Variants in CAMTA1 observed in about 807,000 individuals in gnomAD.
CAMTA1 encodes the protein calmodulin binding transcription activator 1.
A neutral mutation model predicts 170.9 loss-of-function variants in CAMTA1; 27 were observed. That is an observed-to-expected ratio of 0.16 (90% CI 0.12 to 0.22). The LOEUF is 0.22. Ranked by LOEUF, CAMTA1 falls within the 10% of genes least tolerant of loss-of-function variation. The probability of loss-of-function intolerance (pLI) is 1.00; values close to 1 mark genes in which losing one functional copy is unlikely to be tolerated. For missense variants in CAMTA1, 1,619 were observed against 2,217.2 expected (o/e 0.73, Z 5.42); for synonymous variants, 833 against 891.5 (o/e 0.93, Z 1.17).
intron 4 of CAMTA1, among the ~76,000 whole-genome samples, chr1:7,142,436 A>G (rs1052045461): frequency 1.3e-5 from 2 of 152,166 alleles, no homozygotes; most frequent in Non-Finnish European, 2.9e-5. Context: ...TGGGCAGGTG[A>G]TGTCCCCTCT....
At chr1:7,282,197 G>A (rs1280932952) in intron 5 of CAMTA1, among the ~76,000 whole-genome samples, 1 of 152,094 alleles carries the variant, frequency 6.6e-6, no homozygotes, top group Non-Finnish European at 1.5e-5. Context: ...AACTCCAAAT[G>A]GCAATTGTCG....
chr1:7,696,614 A>G (rs1188062525), intron 11 of CAMTA1, among the ~76,000 whole-genome samples: 1 of 151,702 alleles, frequency 6.6e-6, no homozygotes, highest in Non-Finnish European at 1.5e-5. Context: ...TACCACTGTG[A>G]CTCTACTGGG....
intron 4 of CAMTA1, among the ~76,000 whole-genome samples, chr1:7,182,367 C>A (rs563265822): frequency 6.6e-6 from 1 of 151,982 alleles, no homozygotes; most frequent in Non-Finnish European, 1.5e-5. Context: ...ATGGCAAAAC[C>A]CTGTCTCTAC....
At chr1:7,091,996 AG>A (rs1641529121) in intron 4 of CAMTA1, among the ~76,000 whole-genome samples, 1 of 152,172 alleles carries the variant, frequency 6.6e-6, no homozygotes, top group African/African-American at 2.4e-5. Flanking sequence ...GTTGGGACTT[AG>A]GGTTGATTTT....
chr1:6,806,989 G>C, intron 1 of CAMTA1: 1 of 616,870 alleles, frequency 1.6e-6, no homozygotes, highest in Non-Finnish European at 3.0e-6. Context: ...CCAGGCACAA[G>C]GAAGGACAGA....
intron 6 of CAMTA1, among the ~76,000 whole-genome samples, chr1:7,610,674 C>A (rs1253841800): frequency 6.6e-6 from 1 of 152,214 alleles, no homozygotes; most frequent in African/African-American, 2.4e-5. Flanking sequence ...AGTGGAGCCA[C>A]AAGACCAGAA....
At chr1:7,132,343 TAGCTCACTGCAGCCTTGAACTCCTG>T (rs1170910132) in intron 4 of CAMTA1, among the ~76,000 whole-genome samples, 3 of 152,082 alleles carry the variant, frequency 2.0e-5, no homozygotes, top group Non-Finnish European at 4.4e-5. Context: ...TGTGTGATCA[TAGCTCACTGCAGCCTTGAACTCCTG>T]GGCTCAAACG....
rs904498930 is a variant in CAMTA1, at chr1:7,113,514, T to A, written c.302+22143T>A. On this transcript the variant is annotated intron_variant, in intron 4 of 22. Coordinates refer to ENST00000303635, the MANE Select transcript of CAMTA1 (RefSeq NM_015215.4). The surrounding 1 kb of genome is among the most constrained non-coding windows in gnomAD (Gnocchi z 4.5). ...AGGAATGGAGAGGGAGGAAGGAGGG[T>A]CTCGGGCAAGACCTCCCCCAACAGG... 5.3e-5 allele frequency among the ~76,000 whole-genome samples: 8 copies of A among 151,902 alleles called. No individual in the cohort carries two copies. Among genetic ancestry groups the A allele is most frequent in the African/African-American group, 1.9e-4 (8 of 41,360 alleles).
intron 5 of CAMTA1, among the ~76,000 whole-genome samples, chr1:7,444,643 G>A (rs566950507): frequency 6.6e-6 from 1 of 152,356 alleles, no homozygotes; most frequent in Admixed American, 6.5e-5. Flanking sequence ...GGTCATGGGG[G>A]CACCGAGCAA....
chr1:7,426,516 C>A lies in CAMTA1; in HGVS notation c.439-41314C>A, dbSNP rs1179179677. 6.6e-6 allele frequency among the ~76,000 whole-genome samples: 1 copy of A among 152,206 alleles called. No individual in the cohort carries two copies. Among genetic ancestry groups the A allele is most frequent in the Non-Finnish European group, 1.5e-5 (1 of 68,034 alleles). On this transcript the variant is annotated intron_variant, in intron 5 of 22. Transcript: ENST00000303635. The surrounding 1 kb of genome is among the most constrained non-coding windows in gnomAD (Gnocchi z 4.8). ...GTTAGATCAAGCGGAGGGCCCTGGC[C>A]AGGGCTGAGCAAGGCCTGATTTACA...
At chr1:7,225,684 G>A (rs115501279) in intron 4 of CAMTA1, among the ~76,000 whole-genome samples, 1 of 152,208 alleles carries the variant, frequency 6.6e-6, no homozygotes, top group Non-Finnish European at 1.5e-5. Context: ...GATTTCGGGG[G>A]TTCACTTCTC....
At chr1:7,401,474 C>T (rs1181103602) in intron 5 of CAMTA1, among the ~76,000 whole-genome samples, 1 of 152,064 alleles carries the variant, frequency 6.6e-6, no homozygotes, top group African/African-American at 2.4e-5. Flanking sequence ...GGAAATTCTG[C>T]TTCCTTTGCA....
chr1:7,723,677 T>C (rs2096663938), intron 11 of CAMTA1, among the ~76,000 whole-genome samples: 1 of 152,136 alleles, frequency 6.6e-6, no homozygotes, highest in African/African-American at 2.4e-5. Flanking sequence ...ATACCTCTGA[T>C]TGTATGTGAT....
At chr1:6,958,623 TG>T (rs1689870956) in intron 3 of CAMTA1, among the ~76,000 whole-genome samples, 1 of 152,196 alleles carries the variant, frequency 6.6e-6, no homozygotes, top group Admixed American at 6.5e-5. Flanking sequence ...GAAATTTGAA[TG>T]TGACGCAATA....
chr1:7,150,556 G>A (rs764605844), intron 4 of CAMTA1, among the ~76,000 whole-genome samples: 13 of 152,030 alleles, frequency 8.6e-5, no homozygotes, highest in Non-Finnish European at 1.8e-4. Context: ...CAGCATCCCT[G>A]GTTTCCACCC....
intron 5 of CAMTA1, among the ~76,000 whole-genome samples, chr1:7,318,091 G>T (rs571134299): frequency 3.9e-5 from 6 of 152,224 alleles, no homozygotes; most frequent in Admixed American, 1.3e-4. Flanking sequence ...CAAGGCTGAC[G>T]TCAGGGCCCA....
At chr1:7,621,668 G>A (rs554950715) in intron 6 of CAMTA1, among the ~76,000 whole-genome samples, 76 of 152,302 alleles carry the variant, frequency 5.0e-4, no homozygotes, top group Non-Finnish European at 7.4e-5. Context: ...AAATCGCAAG[G>A]AAAGTTATAA....
chr1:7,682,732 G>A lies in CAMTA1; in HGVS notation c.2914+4999G>A, dbSNP rs1311468435. Among the ~76,000 whole-genome samples, 1 of 152,212 alleles carries A rather than the reference G, an allele frequency of 6.6e-6. No homozygotes were observed. The highest frequency in any genetic ancestry group is 2.4e-5 in the African/African-American group (1 of 41,466). ...GCCTCTGGGTGCTTCTTCCTCCAATGGCAACACTCCAGGGCTTTCTGCTGA... is the reference window on the plus strand; with the variant it reads ...GCCTCTGGGTGCTTCTTCCTCCAATAGCAACACTCCAGGGCTTTCTGCTGA... On this transcript the variant is annotated intron_variant, in intron 11 of 22. Coordinates refer to ENST00000303635, the MANE Select transcript of CAMTA1 (RefSeq NM_015215.4). This position sits in a 1 kb window ranked among gnomAD's most constrained non-coding sequence, Gnocchi z 5.0.
chr1:7,543,256 C>T (rs1347967236), intron 6 of CAMTA1, among the ~76,000 whole-genome samples: 2 of 152,090 alleles, frequency 1.3e-5, no homozygotes, highest in Admixed American at 6.6e-5. Flanking sequence ...GTGATGCTTC[C>T]GGTGTTCAGC....
Sources: allele counts gnomAD v4.1 joint callset (sites outside exome capture counted in the v4.1 genomes callset), GRCh38; gene constraint gnomAD v4.1.1; non-coding constraint Gnocchi (gnomAD v3.1); transcripts MANE v1.5; gene names NCBI Gene and HGNC (gene_info 2026-07-23, HGNC 2026-07-21).